The following SLIT3 variants were observed in gnomAD, a reference collection of about 807,000 sequenced individuals.
The protein encoded by SLIT3 is slit homolog 3 protein.
Under a neutral mutation model 184.0 loss-of-function variants are expected in SLIT3, and 68 were observed. The ratio of observed to expected loss-of-function variants is 0.37; its 90% CI spans 0.30 to 0.45. SLIT3 has a LOEUF of 0.45. Ranked by LOEUF, SLIT3 falls within the 20% of genes least tolerant of loss-of-function variation. SLIT3 has a pLI of 1.00. For missense variants in SLIT3, 1,707 were observed against 2,026.0 expected (o/e 0.84, Z 3.02); for synonymous variants, 831 against 828.6 (o/e 1.00, Z -0.05).
chr5:168,836,305 G>A (rs72827680), intron 6 of SLIT3, among the ~76,000 whole-genome samples: 5,108 of 152,304 alleles, frequency 0.034, 111 homozygotes, highest in Non-Finnish European at 0.051. Flanking sequence ...TGGGATGAGC[G>A]CTGATCTAGA....
chr5:168,770,519 A>G (rs1755510740), intron 14 of SLIT3, among the ~76,000 whole-genome samples: 1 of 152,150 alleles, frequency 6.6e-6, no homozygotes, highest in African/African-American at 2.4e-5. Flanking sequence ...ATGTTTCTCA[A>G]AGCCAAGGCC....
chr5:169,104,415 A>G (rs182232708), intron 4 of SLIT3, among the ~76,000 whole-genome samples: 14 of 152,314 alleles, frequency 9.2e-5, no homozygotes, highest in African/African-American at 3.4e-4. Context: ...TTTTCCTGAC[A>G]TCTTTGCATA....
intron 4 of SLIT3, among the ~76,000 whole-genome samples, chr5:168,900,216 A>T (rs1184487661): frequency 6.6e-6 from 1 of 152,232 alleles, no homozygotes; most frequent in Non-Finnish European, 1.5e-5. Flanking sequence ...ACCTCTATGG[A>T]AAACAGTATG....
At chr5:169,058,448 C>T (rs186110125) in intron 4 of SLIT3, among the ~76,000 whole-genome samples, 49 of 152,240 alleles carry the variant, frequency 3.2e-4, no homozygotes, top group African/African-American at 1.1e-3. Flanking sequence ...GAGGCAAGAG[C>T]GGCTCAGGAC....
chr5:169,299,900 T>C (rs1035483538), intron 1 of SLIT3, among the ~76,000 whole-genome samples: 2 of 152,114 alleles, frequency 1.3e-5, no homozygotes, highest in African/African-American at 4.8e-5. Context: ...CATAAAAAAT[T>C]CACCCGGGGC....
chr5:168,966,977 A>C (rs1763216148), intron 4 of SLIT3, among the ~76,000 whole-genome samples: 1 of 152,168 alleles, frequency 6.6e-6, no homozygotes, highest in African/African-American at 2.4e-5. Context: ...TAATATGACA[A>C]AGCCCCCCAA....
chr5:168,770,598 A>G (rs747975310), intron 14 of SLIT3, among the ~76,000 whole-genome samples: 1 of 152,162 alleles, frequency 6.6e-6, no homozygotes, highest in Non-Finnish European at 1.5e-5. Context: ...GCTACGTGTC[A>G]GTCTCATGCT....
rs75594848 is a variant in SLIT3, at chr5:169,153,796, G to T, written c.413+39683C>A. Reference sequence around the variant, plus strand: ...CCTTTTAGCTCAACTTTTGCCTTCAGTGTGGAGTCTCTCCTTGAACTCTAG... The same window carrying T: ...CCTTTTAGCTCAACTTTTGCCTTCATTGTGGAGTCTCTCCTTGAACTCTAG... On this transcript the variant is annotated intron_variant, in intron 4 of 35. Transcript: ENST00000519560. 6.0e-3 allele frequency among the ~76,000 whole-genome samples: 907 copies of T among 152,300 alleles called. 7 individuals are homozygous for T. Among genetic ancestry groups the T allele is most frequent in the African/African-American group, 0.021 (854 of 41,560 alleles).
chr5:168,856,328 A>C (rs1758863463), intron 5 of SLIT3, among the ~76,000 whole-genome samples: 1 of 152,186 alleles, frequency 6.6e-6, no homozygotes, highest in Admixed American at 6.5e-5. Flanking sequence ...ACGACATCAC[A>C]GTGAAAGGTA....
intron 4 of SLIT3, among the ~76,000 whole-genome samples, chr5:169,019,084 A>G (rs1353859815): frequency 6.6e-6 from 1 of 152,236 alleles, no homozygotes; most frequent in Non-Finnish European, 1.5e-5. Flanking sequence ...TTTCATAGAC[A>G]GCAAAGGGAG....
At position 169,185,184 on chromosome 5, in the gene SLIT3, T is replaced by C. The variant is rs184366124; in HGVS notation, c.413+8295A>G. ...TTCAAAAGCATCACAAACTCTGGAATTGATGACATGTGCCATAAAGCAAAC... is the reference window on the plus strand; with the variant it reads ...TTCAAAAGCATCACAAACTCTGGAACTGATGACATGTGCCATAAAGCAAAC... On this transcript the variant is annotated intron_variant, in intron 4 of 35. Coordinates refer to ENST00000519560, the MANE Select transcript of SLIT3 (RefSeq NM_003062.4). Among the ~76,000 whole-genome samples, 9 of 152,328 alleles carry C rather than the reference T, an allele frequency of 5.9e-5. No individual in the cohort carries two copies. The East Asian group carries it at 1.5e-3, about 26-fold the overall frequency.
chr5:168,747,409 G>A (rs972143563), intron 20 of SLIT3, among the ~76,000 whole-genome samples: 5 of 152,216 alleles, frequency 3.3e-5, no homozygotes, highest in African/African-American at 1.2e-4. Flanking sequence ...TCTCTCCAAT[G>A]TGAGCAGAGT....
intron 32 of SLIT3, among the ~76,000 whole-genome samples, chr5:168,678,105 A>G (rs1761469127): frequency 6.6e-6 from 1 of 152,182 alleles, no homozygotes; most frequent in African/African-American, 2.4e-5. Context: ...CAAAGTCAGG[A>G]TTGCTTCCAA....
At chr5:168,676,247 G>A (rs1379772259) in intron 32 of SLIT3, among the ~76,000 whole-genome samples, 1 of 152,090 alleles carries the variant, frequency 6.6e-6, no homozygotes, top group Non-Finnish European at 1.5e-5. Flanking sequence ...GGGCCACCTC[G>A]TCCTGGGTGC....
intron 35 of SLIT3, 146 bp downstream of exon 35, chr5:168,669,637 G>A (rs1246173770): frequency 9.0e-6 from 6 of 663,914 alleles, no homozygotes; most frequent in Non-Finnish European, 1.6e-5. Flanking sequence ...CCGTTTTCAA[G>A]TTGAGGGAAT....
chr5:168,766,590 C>A (rs1388107321), intron 14 of SLIT3, among the ~76,000 whole-genome samples: 2 of 152,210 alleles, frequency 1.3e-5, no homozygotes, highest in Non-Finnish European at 2.9e-5. Context: ...AGGGAAATAC[C>A]CATGGTCTGA....
chr5:169,237,554 C>A (rs1765245759), intron 3 of SLIT3, among the ~76,000 whole-genome samples: 1 of 152,172 alleles, frequency 6.6e-6, no homozygotes, highest in South Asian at 2.1e-4. Flanking sequence ...TGTTACTCCA[C>A]CTCACCAGCA....
At chr5:169,045,943 C>G (rs1757608486) in intron 4 of SLIT3, among the ~76,000 whole-genome samples, 1 of 152,172 alleles carries the variant, frequency 6.6e-6, no homozygotes, top group Admixed American at 6.6e-5. Flanking sequence ...TGCTATATCT[C>G]TAGGGATACA....
At chr5:168,938,359 G>C (rs1335444404) in intron 4 of SLIT3, among the ~76,000 whole-genome samples, 2 of 152,212 alleles carry the variant, frequency 1.3e-5, no homozygotes, top group Non-Finnish European at 2.9e-5. Flanking sequence ...GCAGACATCA[G>C]TATGTGAGAG....
Sources: allele counts gnomAD v4.1 joint callset (sites outside exome capture counted in the v4.1 genomes callset), GRCh38; gene constraint gnomAD v4.1.1; transcripts MANE v1.5; gene names NCBI Gene and HGNC (gene_info 2026-07-23, HGNC 2026-07-21).